SLC44A1: variants seen among roughly 807,000 people sequenced by gnomAD.
SLC44A1 encodes the protein solute carrier family 44 member 1.
Under a neutral mutation model 79.3 loss-of-function variants are expected in SLC44A1, and 26 were observed. The observed-to-expected ratio is 0.33, with a 90% CI of 0.24 to 0.46. The LOEUF is 0.46. Ranked by LOEUF, SLC44A1 falls within the 20% of genes least tolerant of loss-of-function variation. The pLI, the probability that SLC44A1 is intolerant of heterozygous loss-of-function variation, is 1.00. For synonymous variants in SLC44A1, 263 were observed against 286.2 expected (o/e 0.92, Z 0.82); for missense variants, 688 against 798.1 (o/e 0.86, Z 1.66).
chr9:105,305,812 T>C (rs971815726), intron 2 of SLC44A1, among the ~76,000 whole-genome samples: 2 of 151,108 alleles, frequency 1.3e-5, no homozygotes. Flanking sequence ...ATGTGTAAAA[T>C]TCAAACATGC....
At chr9:105,402,464 C>T (rs1364944461) in intron 15 of SLC44A1, among the ~76,000 whole-genome samples, 1 of 152,166 alleles carries the variant, frequency 6.6e-6, no homozygotes, top group East Asian at 1.9e-4. Context: ...TTCATCTAAG[C>T]TCTGATTCTC....
intron 9 of SLC44A1, among the ~76,000 whole-genome samples, chr9:105,363,275 G>T (rs1189255078): frequency 6.6e-6 from 1 of 152,000 alleles, no homozygotes; most frequent in Non-Finnish European, 1.5e-5. Flanking sequence ...TGATTCTTCT[G>T]CCTCAGCCTC....
At chr9:105,340,107 A>G (rs1827041759) in intron 4 of SLC44A1, among the ~76,000 whole-genome samples, 1 of 152,214 alleles carries the variant, frequency 6.6e-6, no homozygotes, top group Non-Finnish European at 1.5e-5. Flanking sequence ...AAGTTCTAAA[A>G]ATCTGTTGTA....
At chr9:105,323,818 C>T (rs1485652493) in intron 3 of SLC44A1, among the ~76,000 whole-genome samples, 1 of 152,198 alleles carries the variant, frequency 6.6e-6, no homozygotes, top group Non-Finnish European at 1.5e-5. Context: ...ACAGCTTGGT[C>T]TTTGTCATCA....
At position 105,385,488 on chromosome 9, in the gene SLC44A1, G is replaced by A. The variant is rs1488677300; in HGVS notation, c.1936G>A (p.Glu646Lys). 6.3e-7 allele frequency: 1 copy of A among 1,577,262 alleles called. No homozygotes were observed. The highest frequency in any genetic ancestry group is 1.3e-5 in the African/African-American group (1 of 74,648). Residue 646 changes from glutamate (E) to lysine (K), a missense_variant, in exon 15 of 16, where the codon GAG becomes AAG. Physicochemically the swap from Glu to Lys is moderately conservative, Grantham distance 56. Transcript: ENST00000374720. ...TAAGGGAGGCGTCGCTGATTCCAGAGAGCTAAAGCCGATGGTAGGTGGAGA... is the reference window on the plus strand; with the variant it reads ...TAAGGGAGGCGTCGCTGATTCCAGAAAGCTAAAGCCGATGGTAGGTGGAGA... ...AGKGGVADSRELKPMASGASS... is the reference protein window; with the variant it reads ...AGKGGVADSRKLKPMASGASS...
intron 1 of SLC44A1, among the ~76,000 whole-genome samples, chr9:105,295,579 A>G (rs1380999083): frequency 6.6e-6 from 1 of 152,252 alleles, no homozygotes; most frequent in African/African-American, 2.4e-5. Context: ...GAGAAACTTC[A>G]TGGCTCATAA....
intron 14 of SLC44A1, 119 bp downstream of exon 14, chr9:105,383,478 C>A: frequency 1.5e-6 from 1 of 665,752 alleles, no homozygotes; most frequent in East Asian, 2.7e-5. Context: ...AGAATTAACC[C>A]CATAGCACTG....
chr9:105,400,845 C>T (rs1828949389), downstream of SLC44A1, among the ~76,000 whole-genome samples: 1 of 152,308 alleles, frequency 6.6e-6, no homozygotes, highest in Non-Finnish European at 1.5e-5. Flanking sequence ...AGGTATTCAA[C>T]TTTTCAAAGG....
intron 1 of SLC44A1, 88 bp downstream of exon 1, chr9:105,244,992 G>T: frequency 2.3e-6 from 1 of 430,388 alleles, no homozygotes; most frequent in Non-Finnish European, 3.2e-6. Context: ...GATACCTCTC[G>T]CTGTCCCCAG....
chr9:105,351,883 C>T (rs1827459229), intron 5 of SLC44A1, among the ~76,000 whole-genome samples: 1 of 152,150 alleles, frequency 6.6e-6, no homozygotes, highest in Non-Finnish European at 1.5e-5. Flanking sequence ...TAAAGCCACA[C>T]CACTAATTGT....
chr9:105,425,908 G>A (rs1035271933), intron 15 of SLC44A1, among the ~76,000 whole-genome samples: 1 of 152,210 alleles, frequency 6.6e-6, no homozygotes, highest in Non-Finnish European at 1.5e-5. Context: ...ACTGGGACTC[G>A]TAATCAGCAA....
At position 105,265,100 on chromosome 9, in the gene SLC44A1, C is replaced by T. The variant is rs981133577; in HGVS notation, c.36+20196C>T. Among the ~76,000 whole-genome samples the T allele has an allele frequency of 1.6e-4, 24 of 152,150 alleles. 1 individual carries two copies. Among genetic ancestry groups the T allele is most frequent in the Non-Finnish European group, 2.9e-5 (2 of 68,024 alleles). ...TGTGAGCCACCGTGCCAGGCCCATT[C>T]TTTCTTGTATTGGATTCCCAATTAT... On this transcript the variant is annotated intron_variant, in intron 1 of 15. Transcript: ENST00000374720.
chr9:105,366,100 AT>A lies in SLC44A1; in HGVS notation c.1411-244del, dbSNP rs1403586466. Among the ~76,000 whole-genome samples the A allele has an allele frequency of 2.0e-5, 3 of 151,928 alleles. No individual in the cohort carries two copies. In the East Asian group the frequency reaches 5.8e-4, roughly 29 times the overall value. On this transcript the variant is annotated intron_variant, in intron 11 of 15. Coordinates refer to ENST00000374720, the MANE Select transcript of SLC44A1 (RefSeq NM_080546.5). The stretch of plus-strand genomic sequence containing the variant: ...TTTGGTATTTTTTTTCTCCTACTAG[AT>A]TGTAAGTTCCTTGCAGGTGTTATAA...
At chr9:105,279,782 C>G (rs1830308131) in intron 1 of SLC44A1, among the ~76,000 whole-genome samples, 2 of 151,942 alleles carry the variant, frequency 1.3e-5, no homozygotes, top group Non-Finnish European at 2.9e-5. Context: ...ATCCACCATA[C>G]CAAAGTAAGT....
intron 3 of SLC44A1, among the ~76,000 whole-genome samples, chr9:105,330,356 C>T (rs889571258): frequency 7.2e-5 from 11 of 152,212 alleles, no homozygotes; most frequent in African/African-American, 1.9e-4. Flanking sequence ...CAGTCAGTTC[C>T]ATCATTTGTT....
intron 15 of SLC44A1, among the ~76,000 whole-genome samples, chr9:105,414,354 C>T (rs144664273): frequency 6.6e-6 from 1 of 152,042 alleles, no homozygotes; most frequent in Non-Finnish European, 1.5e-5. Context: ...CACGCCCAGC[C>T]GACAGTTAGT....
At chr9:105,280,990 C>T (rs148896706) in intron 1 of SLC44A1, among the ~76,000 whole-genome samples, 1 of 152,298 alleles carries the variant, frequency 6.6e-6, no homozygotes, top group East Asian at 1.9e-4. Context: ...CTCTTAAGAT[C>T]ACCCAGCCCA....
chr9:105,390,694 AT>A lies in SLC44A1; in HGVS notation c.*1641del, dbSNP rs778062885. ...TGTTCTTTACTCTAGCTAGGCTAAA[AT>A]TTGCTAAATGCCTTGGTTTCTTTTA... On this transcript the variant is annotated 3_prime_UTR_variant, in exon 16 of 16. Transcript: ENST00000374720. 8 of 985,536 alleles carry A rather than the reference AT, an allele frequency of 8.1e-6. No homozygotes were observed. Among genetic ancestry groups the A allele is most frequent in the Non-Finnish European group, 9.6e-6 (8 of 829,794 alleles). The allele number at this position is 985,536 out of a possible 1,614,324, so 61.0% of individuals were successfully genotyped here. A position where few individuals can be genotyped will look rare whatever the true frequency, so the allele number is the denominator to read the frequency against.
chr9:105,387,406 T>C (rs560356872), intron 15 of SLC44A1, among the ~76,000 whole-genome samples: 3 of 152,210 alleles, frequency 2.0e-5, no homozygotes, highest in African/African-American at 7.2e-5. Flanking sequence ...ACCAGTAATC[T>C]TCCCATCAGG....
Sources: gnomAD v4.1 joint callset for allele counts (sites outside exome capture counted in the v4.1 genomes callset) on GRCh38, gnomAD v4.1.1 for gene constraint, MANE v1.5 for transcripts, NCBI Gene and HGNC (gene_info 2026-07-23, HGNC 2026-07-21) for gene names.